Variants in RGS6 observed in about 807,000 individuals in gnomAD.
RGS6 encodes regulator of G protein signaling 6.
In RGS6, 30 loss-of-function variants were observed where a neutral mutation model predicts 78.5. The ratio of observed to expected loss-of-function variants is 0.38; its 90% CI spans 0.29 to 0.52. The LOEUF is 0.52. Ranked by LOEUF, RGS6 falls within the 20% of genes least tolerant of loss-of-function variation. RGS6 has a pLI of 0.85. For missense variants in RGS6, 495 were observed against 609.7 expected (o/e 0.81, Z 1.98); for synonymous variants, 206 against 206.0 (o/e 1.00, Z 0.00).
the RGS6 span, among the ~76,000 whole-genome samples, chr14:71,896,028 C>T: frequency 6.6e-6 from 1 of 152,042 alleles, no homozygotes; most frequent in African/African-American, 2.4e-5. Flanking sequence ...TCCGTGCAGG[C>T]CAGCTTCCAG....
At chr14:72,382,674 T>A (rs1175595892) in intron 3 of RGS6, among the ~76,000 whole-genome samples, 1 of 152,252 alleles carries the variant, frequency 6.6e-6, no homozygotes, top group Non-Finnish European at 1.5e-5. Flanking sequence ...AGCAAAATTC[T>A]GGAATAATCC....
At chr14:72,271,345 TA>T (rs2059908118) in intron 2 of RGS6, among the ~76,000 whole-genome samples, 1 of 152,178 alleles carries the variant, frequency 6.6e-6, no homozygotes. Flanking sequence ...CTCCCATTTA[TA>T]AAACCATCAG....
chr14:72,588,824 T>G, the RGS6 span, among the ~76,000 whole-genome samples: 1,436 of 152,316 alleles, frequency 9.4e-3, 10 homozygotes, highest in Middle Eastern at 0.034. Context: ...CACAAACTCG[T>G]TGGCCTGGGT....
intron 2 of RGS6, among the ~76,000 whole-genome samples, chr14:72,285,386 G>T (rs889095989): frequency 1.3e-5 from 2 of 152,144 alleles, no homozygotes; most frequent in African/African-American, 4.8e-5. Flanking sequence ...TAGTGAATAA[G>T]TCTCATGGGA....
intron 2 of RGS6, among the ~76,000 whole-genome samples, chr14:72,032,132 GC>G (rs1361850559): frequency 6.6e-6 from 1 of 151,914 alleles, no homozygotes; most frequent in Non-Finnish European, 1.5e-5. Context: ...TTTTTTCAGT[GC>G]TGTGTCTGCT....
At position 72,539,291 on chromosome 14, in the gene RGS6, G is replaced by A. The variant is rs117593187; in HGVS notation, c.1369-750G>A. On this transcript the variant is annotated intron_variant, in intron 16 of 17. Transcript: ENST00000553525. ...GTTTCTGAGCTTCCTCTAGCCTGTCGTACGTACATCTTGGCAGGTGTTATG... is the reference window on the plus strand; with the variant it reads ...GTTTCTGAGCTTCCTCTAGCCTGTCATACGTACATCTTGGCAGGTGTTATG... Among the ~76,000 whole-genome samples, 566 of 152,224 alleles carry A rather than the reference G, an allele frequency of 3.7e-3. 2 individuals are homozygous for A. Among genetic ancestry groups the A allele is most frequent in the Non-Finnish European group, 6.3e-3 (428 of 68,020 alleles).
At chr14:72,013,509 A>G (rs1192433566) in intron 2 of RGS6, among the ~76,000 whole-genome samples, 2 of 152,162 alleles carry the variant, frequency 1.3e-5, no homozygotes, top group African/African-American at 2.4e-5. Context: ...TGACAAATGA[A>G]GGAAGAATTA....
intron 2 of RGS6, among the ~76,000 whole-genome samples, chr14:72,125,698 T>C (rs149298541): frequency 1.3e-5 from 2 of 152,034 alleles, no homozygotes; most frequent in African/African-American, 4.8e-5. Flanking sequence ...AGGGAGGTAA[T>C]TGGTGATCTG....
the RGS6 span, among the ~76,000 whole-genome samples, chr14:71,869,117 T>A: frequency 6.6e-6 from 1 of 152,178 alleles, no homozygotes; most frequent in Non-Finnish European, 1.5e-5. Context: ...AACACCTAAG[T>A]CTTTGCCTCG....
intron 2 of RGS6, among the ~76,000 whole-genome samples, chr14:72,324,996 T>A (rs1471896881): frequency 6.6e-6 from 1 of 152,228 alleles, no homozygotes; most frequent in African/African-American, 2.4e-5. Flanking sequence ...TTCCTATTTC[T>A]CCACATGCTC....
chr14:72,395,673 T>C (rs1034729596), intron 3 of RGS6, among the ~76,000 whole-genome samples: 16 of 152,080 alleles, frequency 1.1e-4, no homozygotes, highest in African/African-American at 3.9e-4. Context: ...CCTAATGCTA[T>C]CCCTCCCCTT....
intron 1 of RGS6, among the ~76,000 whole-genome samples, chr14:71,952,762 T>C (rs2092445351): frequency 6.6e-6 from 1 of 152,166 alleles, no homozygotes; most frequent in Admixed American, 6.5e-5. Flanking sequence ...GTGCACCTTA[T>C]ATTACATTTA....
At chr14:72,280,666 C>T (rs1016180506) in intron 2 of RGS6, among the ~76,000 whole-genome samples, 1 of 152,206 alleles carries the variant, frequency 6.6e-6, no homozygotes, top group East Asian at 1.9e-4. Flanking sequence ...TCAGAAGAGA[C>T]ATTTTATTAT....
intron 4 of RGS6, 69 bp downstream of exon 4, chr14:72,454,647 C>A: frequency 7.9e-7 from 1 of 1,258,228 alleles, no homozygotes; most frequent in Non-Finnish European, 1.1e-6. Context: ...AAGTTCCAAA[C>A]TAGATTCCCC....
upstream of RGS6, among the ~76,000 whole-genome samples, chr14:71,928,534 C>T (rs1189158595): frequency 6.6e-6 from 1 of 152,184 alleles, no homozygotes; most frequent in Non-Finnish European, 1.5e-5. Context: ...AATGCATCGA[C>T]GCAATAGTTT....
At chr14:72,448,782 G>A (rs1230661860) in intron 3 of RGS6, among the ~76,000 whole-genome samples, 3 of 151,924 alleles carry the variant, frequency 2.0e-5, no homozygotes, top group African/African-American at 7.3e-5. Flanking sequence ...TATACTACTT[G>A]GAAAGTTATA....
At chr14:72,352,972 A>C (rs1401658399) in intron 3 of RGS6, among the ~76,000 whole-genome samples, 1 of 152,250 alleles carries the variant, frequency 6.6e-6, no homozygotes, top group Non-Finnish European at 1.5e-5. Flanking sequence ...GCTTTTCAAA[A>C]TTCGGGAACC....
At chr14:72,574,548 A>T in the RGS6 span, among the ~76,000 whole-genome samples, 2 of 152,232 alleles carry the variant, frequency 1.3e-5, no homozygotes, top group East Asian at 3.9e-4. Context: ...GCTTATTGAG[A>T]TTGGCCACGT....
intron 2 of RGS6, among the ~76,000 whole-genome samples, chr14:72,246,694 G>A (rs182789966): frequency 1.2e-4 from 18 of 152,252 alleles, no homozygotes; most frequent in African/African-American, 3.1e-4. Flanking sequence ...CAGACCACCC[G>A]AGGTCAGGAG....
Sources: allele counts gnomAD v4.1 joint callset (sites outside exome capture counted in the v4.1 genomes callset), GRCh38; gene constraint gnomAD v4.1.1; transcripts MANE v1.5; gene names NCBI Gene and HGNC (gene_info 2026-07-23, HGNC 2026-07-21).